The following UBE4A variants were observed in gnomAD, a reference collection of about 807,000 sequenced individuals.
The protein encoded by UBE4A is ubiquitin conjugation factor E4 A.
A neutral mutation model predicts 117.9 loss-of-function variants in UBE4A; 48 were observed. That is an observed-to-expected ratio of 0.41 (90% CI 0.32 to 0.52). The LOEUF (loss-of-function observed/expected upper bound fraction) is 0.52. Among genes scored for constraint, UBE4A ranks in the 20% least tolerant of loss-of-function variants. UBE4A has a pLI of 0.33. For synonymous variants in UBE4A, 407 were observed against 450.0 expected (o/e 0.90, Z 1.21); for missense variants, 1,067 against 1,296.3 (o/e 0.82, Z 2.72).
At chr11:118,387,267 T>C (rs1948768163) in intron 16 of UBE4A, among the ~76,000 whole-genome samples, 1 of 152,168 alleles carries the variant, frequency 6.6e-6, no homozygotes, top group Non-Finnish European at 1.5e-5. Flanking sequence ...AAAAAAACTT[T>C]TTAATCTCAG....
intron 17 of UBE4A, 45 bp from the exon 18 acceptor site, chr11:118,390,612 A>G: frequency 7.0e-7 from 1 of 1,433,906 alleles, no homozygotes; most frequent in Non-Finnish European, 9.2e-7. Context: ...TCTTCCATTG[A>G]CCAACCCTCT....
At chr11:118,374,624 C>T (rs1306047663) in intron 8 of UBE4A, among the ~76,000 whole-genome samples, 1 of 152,194 alleles carries the variant, frequency 6.6e-6, no homozygotes, top group Non-Finnish European at 1.5e-5. Context: ...CAAGTAATGC[C>T]AGAAATCCTT....
At chr11:118,379,777 C>G (rs765393421) in intron 11 of UBE4A, 27 bp downstream of exon 11, 12 of 1,595,560 alleles carry the variant, frequency 7.5e-6, no homozygotes, top group Non-Finnish European at 1.0e-5. Flanking sequence ...TTGGGAATGT[C>G]CTGTTTATAG....
At position 118,392,710 on chromosome 11, in the gene UBE4A, C is replaced by T. The variant is rs781828734; in HGVS notation, c.2917-28C>T. 1.9e-6 allele frequency: 3 copies of T among 1,606,168 alleles called. No individual in the cohort carries two copies. The Admixed American group carries it at 5.1e-5, about 27-fold the overall frequency. On this transcript the variant is annotated intron_variant, in intron 18 of 19. Transcript: ENST00000252108. ...TGAATTCAGCTACACTGTGAATTCACTTTAACTACCAGATGTTGTATACTC... is the reference window on the plus strand; with the variant it reads ...TGAATTCAGCTACACTGTGAATTCATTTTAACTACCAGATGTTGTATACTC...
At position 118,376,782 on chromosome 11, in the gene UBE4A, G is replaced by A. The variant is rs1948656341; in HGVS notation, c.1571+88G>A. 7 of 1,464,688 alleles carry A rather than the reference G, an allele frequency of 4.8e-6. No individual in the cohort carries two copies. The Admixed American group carries it at 1.4e-4, about 29-fold the overall frequency. The allele number at this position is 1,464,688 out of a possible 1,614,324, so 90.7% of individuals were successfully genotyped here. A position where few individuals can be genotyped will look rare whatever the true frequency, so the allele number is the denominator to read the frequency against. On this transcript the variant is annotated intron_variant, in intron 10 of 19. Transcript: ENST00000252108. ...ATTGAGTCTTTGGCCAGGCACAGTAGCTCACATCTTTAATCTCAGGATTTT... is the reference window on the plus strand; with the variant it reads ...ATTGAGTCTTTGGCCAGGCACAGTAACTCACATCTTTAATCTCAGGATTTT...
Position 118,386,473 on chromosome 11 carries a change from G to A in UBE4A, c.2448G>A (p.Lys816=). 6.2e-7 allele frequency: 1 copy of A among 1,608,414 alleles called. No individual in the cohort carries two copies. The highest frequency in any genetic ancestry group is 1.1e-5 in the South Asian group (1 of 90,172). The change falls in exon 16 of 20, where the codon AAG becomes AAA. Residue 816 remains lysine, a synonymous_variant. Coordinates refer to ENST00000252108, the MANE Select transcript of UBE4A (RefSeq NM_001204077.2). ...LSKIKIQQIE[K]DRGEWDSLTP... ...AGATAAAGATTCAGCAAATTGAGAA[G>A]GATCGAGGTGAATGGGATAGTCTGA... is the stretch of plus-strand genomic sequence containing the variant.
chr11:118,393,364 C>T (rs1948837112), intron 19 of UBE4A, among the ~76,000 whole-genome samples: 1 of 152,168 alleles, frequency 6.6e-6, no homozygotes, highest in Non-Finnish European at 1.5e-5. Flanking sequence ...TTGCAATGAG[C>T]CGAGATCGCA....
chr11:118,393,155 G>C (rs1948835090), intron 19 of UBE4A, among the ~76,000 whole-genome samples: 1 of 152,130 alleles, frequency 6.6e-6, no homozygotes, highest in South Asian at 2.1e-4. Flanking sequence ...AGTGGCTCAT[G>C]CCTGTAATCC....
intron 5 of UBE4A, 116 bp from the exon 6 acceptor site, chr11:118,372,391 T>G (rs1482307391): frequency 1.9e-6 from 2 of 1,058,054 alleles, no homozygotes; most frequent in Non-Finnish European, 2.6e-6. Context: ...AATCTCTAAT[T>G]AATTTTCAAG....
chr11:118,392,113 TAAG>T (rs1555128639), intron 18 of UBE4A, among the ~76,000 whole-genome samples: 3 of 152,236 alleles, frequency 2.0e-5, no homozygotes, highest in Non-Finnish European at 2.9e-5. Flanking sequence ...TATTAGCAGG[TAAG>T]AAGAAGGAAG....
In UBE4A at chr11:118,375,017, GCAC is replaced by G. The variant is rs1315659095; in HGVS notation, c.1241_1243del (p.Thr414del). ...AACTGTTTGCATGCAAATGCAGGCC[GCAC>G]CAAGATTTGGGCCAATCAGATGCCA... is the stretch of plus-strand genomic sequence containing the variant. On this transcript the variant is annotated inframe_deletion, in exon 9 of 20. Coordinates refer to ENST00000252108, the MANE Select transcript of UBE4A (RefSeq NM_001204077.2). The G allele has an allele frequency of 6.2e-7, 1 of 1,613,718 alleles. No homozygotes were observed. Among genetic ancestry groups the G allele is most frequent in the African/African-American group, 1.3e-5 (1 of 74,902 alleles).
intron 1 of UBE4A, among the ~76,000 whole-genome samples, chr11:118,360,001 C>G (rs1315024063): frequency 1.3e-5 from 2 of 152,120 alleles, no homozygotes; most frequent in African/African-American, 4.8e-5. Context: ...GGATCTCCCT[C>G]CTTCCCGCGA....
At chr11:118,360,663 C>T (rs1055031737) in intron 1 of UBE4A, among the ~76,000 whole-genome samples, 14 of 152,086 alleles carry the variant, frequency 9.2e-5, no homozygotes, top group African/African-American at 3.4e-4. Flanking sequence ...AAAACAATAC[C>T]AAGTCTGATG....
intron 13 of UBE4A, 30 bp downstream of exon 13, chr11:118,382,806 C>G (rs1231915725): frequency 6.6e-7 from 1 of 1,511,440 alleles, no homozygotes. Flanking sequence ...GAGCCCAGAA[C>G]TGGGAAGCTG....
chr11:118,376,516 T>C, intron 9 of UBE4A, 58 bp from the exon 10 acceptor site: 1 of 1,594,830 alleles, frequency 6.3e-7, no homozygotes, highest in Non-Finnish European at 8.5e-7. Flanking sequence ...TGAATGAGTG[T>C]AAGAGGAGAC....
chr11:118,380,861 C>G (rs1408840829), intron 11 of UBE4A, among the ~76,000 whole-genome samples: 1 of 152,118 alleles, frequency 6.6e-6, no homozygotes, highest in Non-Finnish European at 1.5e-5. Context: ...CTGGCTTCCC[C>G]CAGAGCAAGT....
In UBE4A at chr11:118,372,539, T is replaced by C. The variant is rs1948617682; in HGVS notation, c.594T>C (p.Phe198=). Residue 198 remains phenylalanine, a synonymous_variant, in exon 6 of 20, where the codon TTT becomes TTC. Transcript: ENST00000252108. ...ITKVPENLLP[F]AVQCRNLTVS... is the part of the protein sequence containing the mutation. ...AAGTTCCAGAGAACCTGCTACCCTTTGCAGTGCAGTGCAGAAACCTCACTG... is the reference window on the plus strand; with the variant it reads ...AAGTTCCAGAGAACCTGCTACCCTTCGCAGTGCAGTGCAGAAACCTCACTG... The C allele has an allele frequency of 6.2e-7, 1 of 1,613,028 alleles. No homozygotes were observed. The highest frequency in any genetic ancestry group is 2.2e-5 in the East Asian group (1 of 44,884).
intron 1 of UBE4A, among the ~76,000 whole-genome samples, chr11:118,363,760 A>G (rs1427847819): frequency 2.6e-5 from 4 of 152,174 alleles, no homozygotes; most frequent in Non-Finnish European, 5.9e-5. Context: ...CTGGGATTAC[A>G]GGCACCTGCC....
chr11:118,396,223 C>T, intron 19 of UBE4A, 91 bp from the exon 20 acceptor site: 1 of 1,492,138 alleles, frequency 6.7e-7, no homozygotes, highest in Non-Finnish European at 8.9e-7. Flanking sequence ...TGGCTTCATT[C>T]TTAAGATGCG....
Sources: gnomAD v4.1 joint callset for allele counts (sites outside exome capture counted in the v4.1 genomes callset) on GRCh38, gnomAD v4.1.1 for gene constraint, MANE v1.5 for transcripts, NCBI Gene and HGNC (gene_info 2026-07-23, HGNC 2026-07-21) for gene names.